The following PRKG1 variants were observed in gnomAD, a reference collection of about 807,000 sequenced individuals.
PRKG1 encodes the protein cGMP-dependent protein kinase 1.
In PRKG1, 35 loss-of-function variants were observed where a neutral mutation model predicts 88.1. The ratio of observed to expected loss-of-function variants is 0.40; its 90% CI spans 0.30 to 0.53. PRKG1 has a LOEUF of 0.53. Among genes scored for constraint, PRKG1 ranks in the 20% least tolerant of loss-of-function variants. PRKG1 has a pLI of 0.59. For synonymous variants in PRKG1, 303 were observed against 292.5 expected (o/e 1.04, Z -0.37); for missense variants, 540 against 839.8 (o/e 0.64, Z 4.41).
chr10:51,270,774 A>G (rs1373239143), intron 2 of PRKG1, among the ~76,000 whole-genome samples: 2 of 151,944 alleles, frequency 1.3e-5, no homozygotes, highest in Non-Finnish European at 2.9e-5. Flanking sequence ...GGTGTCCACA[A>G]CCCTCCACTC....
intron 4 of PRKG1, among the ~76,000 whole-genome samples, chr10:51,884,506 C>T (rs1426002403): frequency 7.0e-6 from 1 of 142,732 alleles, no homozygotes; most frequent in Non-Finnish European, 1.5e-5. Context: ...AGTAAATATA[C>T]TGCCACAGAG....
At chr10:51,530,432 C>G (rs894864997) in intron 3 of PRKG1, among the ~76,000 whole-genome samples, 1 of 152,088 alleles carries the variant, frequency 6.6e-6, no homozygotes, top group Non-Finnish European at 1.5e-5. Context: ...AAACATAGTG[C>G]TCACTAACTT....
At chr10:51,806,727 G>T (rs1389896563) in intron 4 of PRKG1, among the ~76,000 whole-genome samples, 1 of 152,128 alleles carries the variant, frequency 6.6e-6, no homozygotes, top group Non-Finnish European at 1.5e-5. Context: ...CACAGTTCCT[G>T]TTGCATTATT....
intron 3 of PRKG1, among the ~76,000 whole-genome samples, chr10:51,730,332 G>C (rs530371158): frequency 6.6e-6 from 1 of 152,240 alleles, no homozygotes; most frequent in South Asian, 2.1e-4. Flanking sequence ...CAAAGACTCT[G>C]GTCTTCAAAA....
At chr10:51,729,292 C>G (rs74663224) in intron 3 of PRKG1, among the ~76,000 whole-genome samples, 9 of 152,200 alleles carry the variant, frequency 5.9e-5, no homozygotes, top group African/African-American at 2.2e-4. Flanking sequence ...AAAAAGTTTC[C>G]AAAGTAAACT....
chr10:51,889,433 C>A (rs1172305023), intron 4 of PRKG1, among the ~76,000 whole-genome samples: 5 of 152,006 alleles, frequency 3.3e-5, no homozygotes, highest in African/African-American at 1.2e-4. Context: ...TGTATATGTG[C>A]CACATTTTCT....
intron 5 of PRKG1, among the ~76,000 whole-genome samples, chr10:51,950,298 A>G (rs1843151926): frequency 5.3e-5 from 8 of 152,342 alleles, no homozygotes; most frequent in Middle Eastern, 3.4e-3. Context: ...CATATCTCTT[A>G]GTGATTAATA....
At chr10:51,966,687 G>A (rs1843574877) in intron 5 of PRKG1, among the ~76,000 whole-genome samples, 1 of 152,054 alleles carries the variant, frequency 6.6e-6, no homozygotes, top group Non-Finnish European at 1.5e-5. Context: ...AATTCTATAG[G>A]GCTCTCTTCA....
intron 2 of PRKG1, among the ~76,000 whole-genome samples, chr10:51,322,082 C>T (rs1044006008): frequency 2.6e-5 from 4 of 152,086 alleles, no homozygotes; most frequent in Non-Finnish European, 5.9e-5. Context: ...GTGAAGCCAC[C>T]ATATTCGACA....
intron 2 of PRKG1, among the ~76,000 whole-genome samples, chr10:51,168,898 T>C (rs1032691596): frequency 2.0e-5 from 3 of 152,194 alleles, no homozygotes; most frequent in Non-Finnish European, 4.4e-5. Context: ...TACATTCCAT[T>C]TCACAGTATG....
intron 9 of PRKG1, among the ~76,000 whole-genome samples, chr10:52,210,085 TA>T (rs1207323139): frequency 2.6e-5 from 4 of 152,298 alleles, no homozygotes; most frequent in African/African-American, 9.6e-5. Context: ...TGGCTAATGT[TA>T]AACATTTAGA....
intron 2 of PRKG1, among the ~76,000 whole-genome samples, chr10:51,237,086 T>A (rs550378610): frequency 1.3e-5 from 2 of 152,370 alleles, no homozygotes; most frequent in African/African-American, 4.8e-5. Context: ...CCTGCTCAGA[T>A]AACAAAGTTC....
At chr10:50,996,096 T>C (rs1304575036) in intron 1 of PRKG1, among the ~76,000 whole-genome samples, 1 of 152,136 alleles carries the variant, frequency 6.6e-6, no homozygotes, top group Non-Finnish European at 1.5e-5. Context: ...ATGTGGAAAA[T>C]ACACAATGCT....
chr10:52,194,382 A>G (rs181324806), intron 9 of PRKG1, among the ~76,000 whole-genome samples: 193 of 152,312 alleles, frequency 1.3e-3, no homozygotes, highest in African/African-American at 4.4e-3. Context: ...TTTCCATGGA[A>G]ACATGACGGT....
chr10:52,229,708 C>T (rs1206402926), intron 9 of PRKG1, among the ~76,000 whole-genome samples: 1 of 152,170 alleles, frequency 6.6e-6, no homozygotes, highest in Non-Finnish European at 1.5e-5. Context: ...TATCATCTGT[C>T]TCCTACAAGC....
chr10:51,097,050 C>T (rs186124941), intron 1 of PRKG1, among the ~76,000 whole-genome samples: 58 of 152,256 alleles, frequency 3.8e-4, no homozygotes, highest in African/African-American at 1.3e-3. Context: ...ACAGTGGGGT[C>T]TTCCCCAAAT....
chr10:51,435,450 T>G (rs1838899136), intron 2 of PRKG1, among the ~76,000 whole-genome samples: 1 of 151,134 alleles, frequency 6.6e-6, no homozygotes, highest in South Asian at 2.1e-4. Context: ...ATATGTCATA[T>G]GACATATATA....
chr10:51,829,782 T>A (rs181820586), intron 4 of PRKG1, among the ~76,000 whole-genome samples: 2 of 152,308 alleles, frequency 1.3e-5, no homozygotes, highest in East Asian at 3.9e-4. Context: ...CTCTTCCAAC[T>A]TTTTAGTCTG....
At chr10:52,206,110 C>A (rs908921309) in intron 9 of PRKG1, among the ~76,000 whole-genome samples, 1 of 151,942 alleles carries the variant, frequency 6.6e-6, no homozygotes, top group African/African-American at 2.4e-5. Flanking sequence ...CTTTTTAATT[C>A]TTTTTTTCTT....
Sources: allele counts gnomAD v4.1 joint callset (sites outside exome capture counted in the v4.1 genomes callset), GRCh38; gene constraint gnomAD v4.1.1; transcripts MANE v1.5; gene names NCBI Gene and HGNC (gene_info 2026-07-23, HGNC 2026-07-21).